Variants in FGD5 observed in about 807,000 individuals in gnomAD.
FGD5 encodes FYVE, RhoGEF and PH domain-containing protein 5.
FGD5 carries 28 observed loss-of-function variants against 133.4 expected under a neutral mutation model. The ratio of observed to expected loss-of-function variants is 0.21; its 90% confidence interval spans 0.16 to 0.29. FGD5 has a LOEUF of 0.29. FGD5 is among the 10% of genes least tolerant of loss of function. FGD5 has a pLI of 1.00. For synonymous variants in FGD5, 810 were observed against 776.5 expected, an observed-to-expected ratio of 1.04 and a Z score of -0.72; for missense variants, 1,858 against 1,895.2, an observed-to-expected ratio of 0.98 and a Z score of 0.36.
intron 1 of FGD5, among the ~76,000 whole-genome samples, chr3:14,823,103 G>C (rs757532448): frequency 2.6e-5 from 4 of 152,214 alleles, no homozygotes; most frequent in Admixed American, 1.3e-4. Flanking sequence ...ATGTGGACTC[G>C]TGCGAGCTGC....
chr3:14,821,872 C>T (rs940737578), intron 1 of FGD5, among the ~76,000 whole-genome samples: 3 of 152,094 alleles, frequency 2.0e-5, no homozygotes, highest in African/African-American at 4.8e-5. Flanking sequence ...GAGGCCGAGG[C>T]GGGCAGGTCA....
intron 18 of FGD5, among the ~76,000 whole-genome samples, chr3:14,930,516 G>T (rs1201036891): frequency 2.0e-5 from 3 of 152,068 alleles, no homozygotes; most frequent in African/African-American, 4.8e-5. Context: ...AGAATCGCTT[G>T]AACACAGCAA....
intron 1 of FGD5, among the ~76,000 whole-genome samples, chr3:14,829,461 C>T (rs1173952537): frequency 2.0e-5 from 3 of 152,140 alleles, no homozygotes; most frequent in Non-Finnish European, 4.4e-5. Flanking sequence ...GATGACCAAC[C>T]TGGGGCTGTG....
chr3:14,922,522 C>T lies in FGD5; in HGVS notation c.3781C>T (p.Arg1261Cys), dbSNP rs867308143. The T allele has an allele frequency of 5.1e-6, 8 of 1,583,026 alleles. No homozygotes were observed. Among genetic ancestry groups the T allele is most frequent in the African/African-American group, 1.3e-5 (1 of 74,308 alleles). ...CTGCGACTTCTCCCTCACCCTGCGGCGTCATCACTGTCACGCCTGTGGCAA... is the reference window on the plus strand; with the variant it reads ...CTGCGACTTCTCCCTCACCCTGCGGTGTCATCACTGTCACGCCTGTGGCAA... The part of the protein sequence containing the change: ...CGCDFSLTLR[R>C]HHCHACGKIV... Residue 1261 changes from arginine to cysteine, a missense_variant, in exon 15 of 20, where the codon CGT (arginine) becomes TGT (cysteine). By Grantham distance (180) the Arg-to-Cys change is radical (BLOSUM62 -3). Around this residue, in one of 3 missense-constraint regions of FGD5, gnomAD observed 1,824 missense variants for 1,848.9 expected, o/e 0.99. Transcript: ENST00000285046. This position sits in a 1 kb window ranked among gnomAD's most constrained non-coding sequence, Gnocchi z 4.1.
chr3:14,884,634 T>A (rs2037889717), intron 4 of FGD5, among the ~76,000 whole-genome samples: 1 of 152,164 alleles, frequency 6.6e-6, no homozygotes, highest in South Asian at 2.1e-4. Context: ...TCACAGACTC[T>A]CTGGACTAGA....
intron 1 of FGD5, among the ~76,000 whole-genome samples, chr3:14,849,347 C>T (rs1160514516): frequency 3.9e-5 from 6 of 152,204 alleles, no homozygotes; most frequent in Non-Finnish European, 7.3e-5. Flanking sequence ...TCCTGCTCTG[C>T]CCTGGTACTG....
chr3:14,863,860 G>C (rs1467816633), intron 1 of FGD5, among the ~76,000 whole-genome samples: 5 of 152,106 alleles, frequency 3.3e-5, no homozygotes, highest in Non-Finnish European at 5.9e-5. Context: ...TGAGTTATTC[G>C]GGCCTTCCTC....
In FGD5 at chr3:14,872,243, T is replaced by C. The variant is rs2037625023; in HGVS notation, c.2658+7983T>C. ...CTTTAAACTTTATATTCATATTTTA[T>C]GTACTTCTCTGAATGTTGTACTCTG... is the stretch of plus-strand genomic sequence containing the variant. On this transcript the variant is annotated intron_variant, in intron 2 of 19. Coordinates refer to ENST00000285046, the MANE Select transcript of FGD5 (RefSeq NM_152536.4). Among the ~76,000 whole-genome samples, 5 of 152,160 alleles carry C rather than the reference T, an allele frequency of 3.3e-5. 1 individual carries two copies. In the South Asian group the frequency reaches 1.0e-3, roughly 31 times the overall value.
chr3:14,928,098 C>T (rs185956834), intron 18 of FGD5, among the ~76,000 whole-genome samples: 42 of 152,100 alleles, frequency 2.8e-4, no homozygotes, highest in African/African-American at 9.6e-4. Context: ...CCCACCACCA[C>T]GCCCAGCTAA....
chr3:14,926,708 A>G (rs1383475231), intron 18 of FGD5, among the ~76,000 whole-genome samples: 2 of 152,216 alleles, frequency 1.3e-5, no homozygotes, highest in Non-Finnish European at 2.9e-5. Flanking sequence ...AATCAAGCTT[A>G]CTTCCAGAGT....
Position 14,820,501 on chromosome 3 carries a change from A to G in FGD5, c.1430A>G (p.Asn477Ser). The G allele has an allele frequency of 6.2e-7, 1 of 1,613,960 alleles. No homozygotes were observed. The highest frequency in any genetic ancestry group is 8.5e-7 in the Non-Finnish European group (1 of 1,179,878). The change falls in exon 1 of 20, where the codon AAC becomes AGC. Residue 477 changes from asparagine to serine, a missense_variant. By Grantham distance (46) the Asn-to-Ser change is conservative. This residue lies in a region of FGD5 where 1,824 missense variants were observed against 1,848.9 expected (regional missense o/e 0.99). Coordinates refer to ENST00000285046, the MANE Select transcript of FGD5 (RefSeq NM_152536.4). ...EGGLVPADRK[N>S]TSTRVRPHSG... ...GGCCTGGTTCCCGCGGACAGGAAGAACACCAGCACGAGGGTCCGGCCCCAC... is the reference window on the plus strand; with the variant it reads ...GGCCTGGTTCCCGCGGACAGGAAGAGCACCAGCACGAGGGTCCGGCCCCAC...
chr3:14,875,188 G>A (rs764196936), intron 2 of FGD5, among the ~76,000 whole-genome samples: 28 of 152,182 alleles, frequency 1.8e-4, no homozygotes, highest in African/African-American at 7.2e-5. Flanking sequence ...GTCTCCAGAT[G>A]TGACTTCAGA....
chr3:14,841,021 A>T (rs2036911447), intron 1 of FGD5, among the ~76,000 whole-genome samples: 1 of 152,204 alleles, frequency 6.6e-6, no homozygotes, highest in Non-Finnish European at 1.5e-5. Context: ...TGTGCCCCCG[A>T]TCAGTGTGCT....
At chr3:14,904,536 TC>T (rs2038303175) in intron 9 of FGD5, among the ~76,000 whole-genome samples, 1 of 151,984 alleles carries the variant, frequency 6.6e-6, no homozygotes, top group Non-Finnish European at 1.5e-5. Flanking sequence ...TTTGAGAACT[TC>T]CTTACTTTCT....
intron 1 of FGD5, among the ~76,000 whole-genome samples, chr3:14,845,573 G>A (rs946357805): frequency 1.3e-5 from 2 of 152,146 alleles, no homozygotes; most frequent in Non-Finnish European, 2.9e-5. Context: ...ATGCAGGCAG[G>A]GTGGAGGTAG....
At chr3:14,855,788 A>T (rs1038414289) in intron 1 of FGD5, among the ~76,000 whole-genome samples, 3 of 151,982 alleles carry the variant, frequency 2.0e-5, no homozygotes, top group African/African-American at 7.3e-5. Context: ...CCCCTGTCGG[A>T]TGAGTAGTTT....
At chr3:14,867,070 A>G (rs189130540) in intron 2 of FGD5, among the ~76,000 whole-genome samples, 102 of 152,332 alleles carry the variant, frequency 6.7e-4, no homozygotes, top group African/African-American at 2.4e-3. Context: ...ATATACCAGA[A>G]TTGAAGTCAA....
At chr3:14,893,388 G>A (rs970293650) in intron 4 of FGD5, among the ~76,000 whole-genome samples, 2 of 152,108 alleles carry the variant, frequency 1.3e-5, no homozygotes, top group East Asian at 1.9e-4. Flanking sequence ...GTCTCACTCT[G>A]TCAACCAGGT....
chr3:14,917,110 A>T lies in FGD5; in HGVS notation c.3406-139A>T. The T allele has an allele frequency of 1.6e-6, 1 of 639,536 alleles. No homozygotes were observed. The highest frequency in any genetic ancestry group is 2.6e-6 in the Non-Finnish European group (1 of 384,572). The allele number at this position is 639,536 out of a possible 1,614,324, so 39.6% of individuals were successfully genotyped here. ...AGGAAGGGGCTCACATTTTGGCCGC[A>T]ACGTTTTTGCTCACCTGTGGGGGTT... On this transcript the variant is annotated intron_variant, in intron 11 of 19. Coordinates refer to ENST00000285046, the MANE Select transcript of FGD5 (RefSeq NM_152536.4). This position sits in a 1 kb window ranked among gnomAD's most constrained non-coding sequence, Gnocchi z 4.1.
Sources: allele counts gnomAD v4.1 joint callset (sites outside exome capture counted in the v4.1 genomes callset), GRCh38; gene constraint gnomAD v4.1.1; regional missense constraint gnomAD v4.1.1; non-coding constraint Gnocchi (gnomAD v3.1); transcripts MANE v1.5; gene names NCBI Gene and HGNC (gene_info 2026-07-23, HGNC 2026-07-21).